Variants in ZCWPW2 observed in about 807,000 individuals in gnomAD.
ZCWPW2 encodes the protein zinc finger CW-type and PWWP domain containing 2, also known as zinc finger CW-type PWWP domain protein 2.
A neutral mutation model predicts 46.6 loss-of-function variants in ZCWPW2; 45 were observed. The observed-to-expected ratio is 0.96, with a 90% CI of 0.76 to 1.24. The LOEUF (loss-of-function observed/expected upper bound fraction) is 1.24, where lower values mean the gene tolerates loss of function less well. ZCWPW2 is among the 50% of genes most tolerant of loss of function. The probability of loss-of-function intolerance (pLI) is 0.00; values close to 1 mark genes in which losing one functional copy is unlikely to be tolerated. For missense variants in ZCWPW2, 429 were observed against 403.9 expected, an observed-to-expected ratio of 1.06 and a Z score of -0.53; for synonymous variants, 152 against 137.1, an observed-to-expected ratio of 1.11 and a Z score of -0.76.
At chr3:28,354,542 C>A (rs1221182303) in intron 1 of ZCWPW2, among the ~76,000 whole-genome samples, 8 of 131,506 alleles carry the variant, frequency 6.1e-5, no homozygotes, top group South Asian at 2.6e-4. Context: ...GTGGCAGAGA[C>A]ACAACAAAAA....
chr3:28,404,657 A>G (rs1361189549), intron 2 of ZCWPW2, among the ~76,000 whole-genome samples: 1 of 152,222 alleles, frequency 6.6e-6, no homozygotes, highest in African/African-American at 2.4e-5. Flanking sequence ...GGATAAAGAA[A>G]CAAGAAACAG....
intron 6 of ZCWPW2, among the ~76,000 whole-genome samples, chr3:28,507,561 A>G (rs1575220752): frequency 2.0e-5 from 3 of 150,424 alleles, no homozygotes. Flanking sequence ...CTATGAATTT[A>G]TTACAAATTT....
intron 2 of ZCWPW2, among the ~76,000 whole-genome samples, chr3:28,394,642 G>A (rs1279236093): frequency 6.6e-6 from 1 of 151,996 alleles, no homozygotes; most frequent in Non-Finnish European, 1.5e-5. Flanking sequence ...AAGGCAGCAA[G>A]AATACACAAT....
At chr3:28,509,310 G>C (rs981352082) in intron 6 of ZCWPW2, among the ~76,000 whole-genome samples, 8 of 151,988 alleles carry the variant, frequency 5.3e-5, no homozygotes, top group African/African-American at 1.9e-4. Context: ...TTCTTGTATG[G>C]GAATATGCTT....
intron 1 of ZCWPW2, among the ~76,000 whole-genome samples, chr3:28,351,235 C>T (rs972318299): frequency 2.7e-5 from 4 of 149,320 alleles, no homozygotes; most frequent in East Asian, 3.9e-4. Flanking sequence ...TACATGTTGT[C>T]GCTCATTATA....
intron 4 of ZCWPW2, among the ~76,000 whole-genome samples, chr3:28,439,096 TAC>T (rs745601879): frequency 7.6e-5 from 11 of 143,888 alleles, no homozygotes; most frequent in South Asian, 2.2e-4. Context: ...TACACATATA[TAC>T]ACACACACAC....
At chr3:28,460,933 G>A (rs1057393460) in intron 4 of ZCWPW2, 7 of 221,976 alleles carry the variant, frequency 3.2e-5, no homozygotes, top group Admixed American at 1.3e-4. Context: ...TAGTGGTGAT[G>A]CAGTCCAAAG....
intron 1 of ZCWPW2, among the ~76,000 whole-genome samples, chr3:28,353,907 T>C (rs904614900): frequency 3.3e-5 from 5 of 152,206 alleles, no homozygotes; most frequent in Non-Finnish European, 7.3e-5. Flanking sequence ...ATACTTCTTA[T>C]TAAATGAAGT....
rs1168607790 is a variant in ZCWPW2, at chr3:28,423,362, C to CTT, written c.332+9984_332+9985dup. Among the ~76,000 whole-genome samples, 721 of 110,712 alleles carry CTT rather than the reference C, an allele frequency of 6.5e-3. 15 individuals carry two copies. Among genetic ancestry groups the CTT allele is most frequent in the African/African-American group, 0.018 (514 of 29,370 alleles). The allele number at this position is 110,712 out of a possible 152,430, so 72.6% of individuals were successfully genotyped here. ...AGCAGTTTCTCATCCTGTGAGCTATCTTTTTTTTTTTTTTTTTTTTTTTAG... is the reference window on the plus strand; with the variant it reads ...AGCAGTTTCTCATCCTGTGAGCTATCTTTTTTTTTTTTTTTTTTTTTTTTTAG... On this transcript the variant is annotated intron_variant, in intron 3 of 9. Transcript: ENST00000383768.
intron 1 of ZCWPW2, among the ~76,000 whole-genome samples, chr3:28,374,444 A>G (rs982337208): frequency 2.6e-4 from 39 of 152,258 alleles, no homozygotes; most frequent in African/African-American, 9.1e-4. Flanking sequence ...GTTTTTGCTC[A>G]GGATTGCTTC....
intron 3 of ZCWPW2, among the ~76,000 whole-genome samples, chr3:28,434,314 T>C (rs1436958842): frequency 6.6e-6 from 1 of 152,052 alleles, no homozygotes; most frequent in Non-Finnish European, 1.5e-5. Flanking sequence ...GGGGTGTTAA[T>C]GACAGGAGCT....
chr3:28,421,877 T>TGTGTGTGTGTGTG (rs1696807316), intron 3 of ZCWPW2, among the ~76,000 whole-genome samples: 1 of 150,212 alleles, frequency 6.7e-6, no homozygotes, highest in African/African-American at 2.4e-5. Flanking sequence ...TGTGTGTGTG[T>TGTGTGTGTGTGTG]TTAGCTTCTT....
chr3:28,406,460 A>G (rs1384139872), intron 2 of ZCWPW2, among the ~76,000 whole-genome samples: 1 of 152,190 alleles, frequency 6.6e-6, no homozygotes, highest in Non-Finnish European at 1.5e-5. Context: ...GGGTGAGCTT[A>G]TACTTTAAAT....
chr3:28,369,844 G>A lies in ZCWPW2; in HGVS notation c.-134+20641G>A, dbSNP rs541862424. Among the ~76,000 whole-genome samples the A allele has an allele frequency of 2.0e-5, 3 of 152,318 alleles. No individual in the cohort carries two copies. The East Asian group carries it at 5.8e-4, about 29-fold the overall frequency. On this transcript the variant is annotated intron_variant, in intron 1 of 9. Transcript: ENST00000383768. ...CTGGCTGCTTTGTTTACCTACTCAA[G>A]CCTCAGCAATGGTGGGGGCCCCTCC...
At chr3:28,375,976 C>CA (rs34839076) in intron 1 of ZCWPW2, among the ~76,000 whole-genome samples, 148,127 of 152,142 alleles carry the variant, frequency 0.97, 72,212 homozygotes, top group South Asian at 1. Flanking sequence ...GGATCTCATT[C>CA]TTTTTTTTAT....
intron 6 of ZCWPW2, among the ~76,000 whole-genome samples, chr3:28,503,420 C>G (rs1700201364): frequency 6.6e-6 from 1 of 152,112 alleles, no homozygotes; most frequent in South Asian, 2.1e-4. Flanking sequence ...ACTTCAGACT[C>G]CACACAAAAT....
intron 5 of ZCWPW2, among the ~76,000 whole-genome samples, chr3:28,481,572 A>G (rs1699430301): frequency 6.6e-6 from 1 of 152,160 alleles, no homozygotes; most frequent in Non-Finnish European, 1.5e-5. Context: ...TTTTCTGCTT[A>G]GTGATTATGA....
At chr3:28,352,037 A>G (rs909049170) in intron 1 of ZCWPW2, among the ~76,000 whole-genome samples, 2 of 151,986 alleles carry the variant, frequency 1.3e-5, no homozygotes, top group African/African-American at 4.8e-5. Context: ...TTGGGCATAC[A>G]CAGTTGTCTT....
chr3:28,372,712 A>G (rs1452986399), intron 1 of ZCWPW2, among the ~76,000 whole-genome samples: 1 of 152,108 alleles, frequency 6.6e-6, no homozygotes, highest in Non-Finnish European at 1.5e-5. Context: ...CTTTTAGTGT[A>G]CCCATCACAT....
Sources: allele counts gnomAD v4.1 joint callset (sites outside exome capture counted in the v4.1 genomes callset), GRCh38; gene constraint gnomAD v4.1.1; transcripts MANE v1.5; gene names NCBI Gene and HGNC (gene_info 2026-07-23, HGNC 2026-07-21).